The following MRAP2 variants were observed in gnomAD, a reference collection of about 807,000 sequenced individuals.
MRAP2 encodes melanocortin-2 receptor accessory protein 2.
Under a neutral mutation model 17.4 loss-of-function variants are expected in MRAP2, and 20 were observed. The observed-to-expected ratio is 1.15, with a 90% CI of 0.81 to 1.67. MRAP2 has a LOEUF of 1.67. MRAP2 is among the 40% of genes most tolerant of loss of function. The probability of loss-of-function intolerance (pLI) is 0.00; values close to 1 mark genes in which losing one functional copy is unlikely to be tolerated. For synonymous variants in MRAP2, 96 were observed against 88.4 expected (o/e 1.09, Z -0.48); for missense variants, 238 against 240.0 (o/e 0.99, Z 0.05).
In MRAP2 at chr6:84,080,127, G is replaced by A. The variant is rs1167047021; in HGVS notation, c.228-8964G>A. On this transcript the variant is annotated intron_variant, in intron 3 of 3. Transcript: ENST00000257776. ...TTGCTCACCACAAGCTCCGCCTCCC[G>A]GGTTCACGCCATTCTTCTGCCTCAG... Among the ~76,000 whole-genome samples, 7 of 151,810 alleles carry A rather than the reference G, an allele frequency of 4.6e-5. No homozygotes were observed. The East Asian group carries it at 5.8e-4, about 13-fold the overall frequency.
In MRAP2 at chr6:84,090,677, AG is replaced by A. The variant is rs1254181728; in HGVS notation, c.*1199del. On this transcript the variant is annotated 3_prime_UTR_variant, in exon 4 of 4. Transcript: ENST00000257776. Reference sequence around the variant, plus strand: ...GTAAATTCCCCACTAGCAGATATTCAGGGTGGCCTGAGTTATGTAAACAAGT... The same window carrying A: ...GTAAATTCCCCACTAGCAGATATTCAGGTGGCCTGAGTTATGTAAACAAGT... 2.0e-5 allele frequency: 3 copies of A among 152,312 alleles called. No homozygotes were observed. Among genetic ancestry groups the A allele is most frequent in the Admixed American group, 2.0e-4 (3 of 15,304 alleles). 9.4% of individuals were successfully genotyped at this position (152,312 alleles called of 1,614,324 possible).
intron 3 of MRAP2, among the ~76,000 whole-genome samples, chr6:84,072,601 G>A (rs778287006): frequency 6.6e-6 from 1 of 152,196 alleles, no homozygotes; most frequent in Non-Finnish European, 1.5e-5. Context: ...GTGGTAGTTT[G>A]GGGAGGAACA....
chr6:84,082,570 G>A (rs1199451322), intron 3 of MRAP2, among the ~76,000 whole-genome samples: 6 of 151,894 alleles, frequency 4.0e-5, no homozygotes, highest in Admixed American at 6.6e-5. Flanking sequence ...CTTCCTTACC[G>A]AAAGTGCATC....
At chr6:84,115,920 C>A in the MRAP2 span, among the ~76,000 whole-genome samples, 20 of 152,232 alleles carry the variant, frequency 1.3e-4, no homozygotes, top group East Asian at 1.4e-3. Context: ...CACTGTCCAA[C>A]CAGTCCCAGT....
At chr6:84,135,117 ATAAC>A in the MRAP2 span, among the ~76,000 whole-genome samples, 679 of 152,314 alleles carry the variant, frequency 4.5e-3, 4 homozygotes, top group African/African-American at 0.014. Context: ...AGAGCAAAAT[ATAAC>A]TAGGTAGTGG....
chr6:84,124,235 A>G, the MRAP2 span: 3 of 152,292 alleles, frequency 2.0e-5, no homozygotes, highest in African/African-American at 4.8e-5. Context: ...AACAGAAATC[A>G]TTATATAAAA....
intron 3 of MRAP2, among the ~76,000 whole-genome samples, chr6:84,063,873 G>A (rs768014077): frequency 1.7e-4 from 26 of 151,842 alleles, no homozygotes; most frequent in Admixed American, 3.3e-4. Context: ...GTGAAACCCC[G>A]TCTCTATTAA....
the MRAP2 span, among the ~76,000 whole-genome samples, chr6:84,111,173 C>A: frequency 6.6e-6 from 1 of 151,928 alleles, no homozygotes; most frequent in Non-Finnish European, 1.5e-5. Flanking sequence ...GAATAGCATT[C>A]AATCTATAAA....
the MRAP2 span, among the ~76,000 whole-genome samples, chr6:84,130,964 A>C: frequency 6.6e-6 from 1 of 152,086 alleles, no homozygotes; most frequent in South Asian, 2.1e-4. Flanking sequence ...TTGATTTTAG[A>C]TCTTTCCTGC....
chr6:84,048,569 A>G (rs7775786), intron 1 of MRAP2, among the ~76,000 whole-genome samples: 4,616 of 152,304 alleles, frequency 0.03, 221 homozygotes, highest in African/African-American at 0.1. Flanking sequence ...AGTTAAGCCT[A>G]TGCCTTTCCT....
intron 3 of MRAP2, among the ~76,000 whole-genome samples, chr6:84,074,645 C>T (rs143666974): frequency 1.9e-4 from 29 of 152,320 alleles, no homozygotes; most frequent in African/African-American, 6.5e-4. Flanking sequence ...CCCGTGCCCA[C>T]AACAGACATC....
chr6:84,082,170 T>G (rs2099499162), intron 3 of MRAP2, among the ~76,000 whole-genome samples: 1 of 152,214 alleles, frequency 6.6e-6, no homozygotes, highest in African/African-American at 2.4e-5. Flanking sequence ...AGTAATTCTA[T>G]GGTAGAGAGT....
At chr6:84,076,577 C>T (rs1395672570) in intron 3 of MRAP2, among the ~76,000 whole-genome samples, 2 of 152,056 alleles carry the variant, frequency 1.3e-5, no homozygotes, top group African/African-American at 2.4e-5. Flanking sequence ...CCAGGCTGGT[C>T]CCAAACTCCT....
At chr6:84,062,115 T>C in intron 2 of MRAP2, 5 of 985,406 alleles carry the variant, frequency 5.1e-6, no homozygotes, top group Non-Finnish European at 6.0e-6. Flanking sequence ...ACCAATTGAG[T>C]TGTTAAACTA....
At chr6:84,053,164 T>C (rs1307568167) in intron 1 of MRAP2, among the ~76,000 whole-genome samples, 2 of 152,198 alleles carry the variant, frequency 1.3e-5, no homozygotes, top group Admixed American at 6.5e-5. Flanking sequence ...TGTGGTGTGC[T>C]GAATAGACGA....
chr6:84,033,783 C>T lies in MRAP2; in HGVS notation c.-108C>T, dbSNP rs755757327. Reference sequence around the variant, plus strand: ...CGGATCTAGGAGCTACTCGCCCGGCCCTGGGCGGTGGGAGGCGGCGGCGGC... The same window carrying T: ...CGGATCTAGGAGCTACTCGCCCGGCTCTGGGCGGTGGGAGGCGGCGGCGGC... On this transcript the variant is annotated 5_prime_UTR_variant, in exon 1 of 4. Transcript: ENST00000257776. 1.2e-5 allele frequency: 12 copies of T among 986,998 alleles called. No individual in the cohort carries two copies. The highest frequency in any genetic ancestry group is 1.3e-5 in the Non-Finnish European group (11 of 831,014). 61.1% of individuals were successfully genotyped at this position (986,998 alleles called of 1,614,324 possible). A position where few individuals can be genotyped will look rare whatever the true frequency, so the allele number is the denominator to read the frequency against.
At chr6:84,041,132 G>C (rs1456085080) in intron 1 of MRAP2, among the ~76,000 whole-genome samples, 1 of 152,206 alleles carries the variant, frequency 6.6e-6, no homozygotes, top group African/African-American at 2.4e-5. Context: ...ATGGCTAAAA[G>C]GGGCCAAGGC....
the MRAP2 span, among the ~76,000 whole-genome samples, chr6:84,114,359 T>C: frequency 6.6e-6 from 1 of 152,120 alleles, no homozygotes; most frequent in Admixed American, 6.6e-5. Flanking sequence ...TTTCTTCCAC[T>C]TGATCGATTT....
chr6:84,129,459 T>C, the MRAP2 span, among the ~76,000 whole-genome samples: 4 of 152,360 alleles, frequency 2.6e-5, no homozygotes, highest in African/African-American at 4.8e-5. Flanking sequence ...TTTTTTCATA[T>C]GTTTGTTGAC....
Sources: gnomAD v4.1 joint callset for allele counts (sites outside exome capture counted in the v4.1 genomes callset) on GRCh38, gnomAD v4.1.1 for gene constraint, MANE v1.5 for transcripts, NCBI Gene and HGNC (gene_info 2026-07-23, HGNC 2026-07-21) for gene names.